The following SLC8A1 variants were observed in gnomAD, a reference collection of about 807,000 sequenced individuals.
The protein encoded by SLC8A1 is solute carrier family 8 member A1.
A neutral mutation model predicts 68.3 loss-of-function variants in SLC8A1; 18 were observed. The observed-to-expected ratio is 0.26, with a 90% CI of 0.18 to 0.39. SLC8A1 has a LOEUF of 0.39. SLC8A1 is among the 10% of genes least tolerant of loss of function. The pLI is 1.00. For synonymous variants in SLC8A1, 475 were observed against 415.5 expected, an observed-to-expected ratio of 1.14 and a Z score of -1.74; for missense variants, 985 against 1,156.7, an observed-to-expected ratio of 0.85 and a Z score of 2.15.
chr2:40,261,403 T>C (rs536552870), intron 2 of SLC8A1, among the ~76,000 whole-genome samples: 22 of 152,330 alleles, frequency 1.4e-4, no homozygotes, highest in African/African-American at 4.8e-4. Flanking sequence ...GGCACCAATC[T>C]AACAGAATTT....
chr2:40,161,012 T>C (rs930322394), intron 5 of SLC8A1, 148 bp from the exon 9 acceptor site: 7 of 612,814 alleles, frequency 1.1e-5, no homozygotes, highest in Middle Eastern at 4.2e-4. Flanking sequence ...AACACTGTTA[T>C]GATTATGCAA....
At chr2:40,203,448 AAACAGAAATGT>A (rs1236837365) in intron 2 of SLC8A1, among the ~76,000 whole-genome samples, 3 of 152,006 alleles carry the variant, frequency 2.0e-5, no homozygotes, top group African/African-American at 7.2e-5. Context: ...AGCAAAACCT[AAACAGAAATGT>A]TTTACATCCA....
chr2:40,115,250 C>T (rs1558406260), exon 8 of SLC8A1: 1 of 1,597,006 alleles, frequency 6.3e-7, no homozygotes, highest in African/African-American at 1.4e-5. Flanking sequence ...TCTGATAGTT[C>T]CTTTAGAAGC....
chr2:40,316,360 C>G (rs1272630570), intron 2 of SLC8A1, among the ~76,000 whole-genome samples: 1 of 151,986 alleles, frequency 6.6e-6, no homozygotes, highest in Non-Finnish European at 1.5e-5. Flanking sequence ...AGTATGTTCT[C>G]TCTACTGGAA....
chr2:40,246,380 A>C (rs1383294080), intron 2 of SLC8A1, among the ~76,000 whole-genome samples: 2 of 152,246 alleles, frequency 1.3e-5, no homozygotes, highest in Non-Finnish European at 2.9e-5. Context: ...CCAGAGTCAA[A>C]TAGGGCAACT....
intron 2 of SLC8A1, among the ~76,000 whole-genome samples, chr2:40,358,048 G>GAAAAA (rs776231355): frequency 5.1e-5 from 4 of 77,732 alleles, no homozygotes; most frequent in African/African-American, 1.0e-4. Context: ...GCAACTGAAG[G>GAAAAA]AAAAAAAAAA....
chr2:40,195,493 A>C (rs569004359), intron 2 of SLC8A1, among the ~76,000 whole-genome samples: 7 of 152,170 alleles, frequency 4.6e-5, no homozygotes, highest in African/African-American at 1.7e-4. Flanking sequence ...GCTGAGAAAG[A>C]ATTTGGAGAA....
chr2:40,358,375 G>C (rs1673425170), intron 2 of SLC8A1, among the ~76,000 whole-genome samples: 1 of 151,890 alleles, frequency 6.6e-6, no homozygotes, highest in Non-Finnish European at 1.5e-5. Flanking sequence ...CATTTTCATA[G>C]ACATCTTGAC....
chr2:40,263,485 G>A (rs973474031), intron 2 of SLC8A1, among the ~76,000 whole-genome samples: 1 of 152,122 alleles, frequency 6.6e-6, no homozygotes, highest in Non-Finnish European at 1.5e-5. Flanking sequence ...AAACAGCATG[G>A]TACTGGTACC....
chr2:40,395,869 AG>A lies in SLC8A1; in HGVS notation c.1808+32603del, dbSNP rs376130142. ...CTGCTCTAAATAAAAACAGATGAGG[AG>A]AAAGTCCATTCATTTTTACTAATAG... On this transcript the variant is annotated intron_variant, in intron 2 of 7. Transcript: ENST00000406785. 2.6e-3 allele frequency among the ~76,000 whole-genome samples: 402 copies of A among 152,270 alleles called. 1 individual carries two copies. The highest frequency in any genetic ancestry group is 9.1e-3 in the African/African-American group (379 of 41,556).
At position 40,356,698 on chromosome 2, in the gene SLC8A1, A is replaced by G. The variant is rs9784160; in HGVS notation, c.1808+71775T>C. On this transcript the variant is annotated intron_variant, in intron 2 of 7. Transcript: ENST00000406785. ...CCCATGCAGAGAAGGGTCCAGATGT[A>G]AGAAAGACTAAAACACAGCTAAGGG... Among the ~76,000 whole-genome samples, 1,498 of 152,290 alleles carry G rather than the reference A, an allele frequency of 9.8e-3. 15 individuals are homozygous for G. The highest frequency in any genetic ancestry group is 0.034 in the African/African-American group (1,420 of 41,574).
chr2:40,356,925 C>G (rs1266142114), intron 2 of SLC8A1, among the ~76,000 whole-genome samples: 1 of 152,112 alleles, frequency 6.6e-6, no homozygotes, highest in East Asian at 1.9e-4. Context: ...AGGCACATGC[C>G]ATGTTTTCTC....
chr2:40,142,246 T>C (rs1337240276), intron 6 of SLC8A1, among the ~76,000 whole-genome samples: 2 of 152,166 alleles, frequency 1.3e-5, no homozygotes, highest in Admixed American at 1.3e-4. Flanking sequence ...TAGAACTCCA[T>C]GTTAGAGATG....
chr2:40,459,786 C>G (rs969838879), intron 1 of SLC8A1, among the ~76,000 whole-genome samples: 1 of 152,126 alleles, frequency 6.6e-6, no homozygotes, highest in African/African-American at 2.4e-5. Context: ...ATGGTGGTCC[C>G]AGTGCTGCTT....
intron 2 of SLC8A1, among the ~76,000 whole-genome samples, chr2:40,249,531 C>G (rs2062408534): frequency 6.6e-6 from 1 of 152,148 alleles, no homozygotes; most frequent in Non-Finnish European, 1.5e-5. Flanking sequence ...AACAAGGTGT[C>G]AAGGGAGAGG....
At chr2:40,192,856 A>G (rs1330070426) in intron 2 of SLC8A1, among the ~76,000 whole-genome samples, 3 of 152,124 alleles carry the variant, frequency 2.0e-5, no homozygotes, top group Non-Finnish European at 4.4e-5. Flanking sequence ...GTTTGGTGAG[A>G]CTGGTAATGG....
intron 1 of SLC8A1, among the ~76,000 whole-genome samples, chr2:40,451,458 A>G (rs1161156236): frequency 6.6e-6 from 1 of 152,152 alleles, no homozygotes; most frequent in Non-Finnish European, 1.5e-5. Context: ...CCCAGGGATT[A>G]CCGGAAGGAG....
chr2:40,503,874 T>C (rs894727803), intron 1 of SLC8A1, among the ~76,000 whole-genome samples: 1 of 152,046 alleles, frequency 6.6e-6, no homozygotes, highest in Non-Finnish European at 1.5e-5. Context: ...AAAATATCTG[T>C]ATTACCCAAA....
chr2:40,502,326 A>T (rs1028200697), intron 1 of SLC8A1, among the ~76,000 whole-genome samples: 8 of 152,028 alleles, frequency 5.3e-5, no homozygotes, highest in Non-Finnish European at 7.4e-5. Context: ...AGGTTTGCGG[A>T]CTATGGTCTG....
Sources: gnomAD v4.1 joint callset for allele counts (sites outside exome capture counted in the v4.1 genomes callset) on GRCh38, gnomAD v4.1.1 for gene constraint, MANE v1.5 for transcripts, NCBI Gene and HGNC (gene_info 2026-07-23, HGNC 2026-07-21) for gene names.